The following RANGAP1 variants were observed in gnomAD, a reference collection of about 807,000 sequenced individuals.
RANGAP1 encodes Ran GTPase activating protein 1, also known as ran GTPase-activating protein 1.
Under a neutral mutation model 63.5 loss-of-function variants are expected in RANGAP1, and 38 were observed. The observed-to-expected ratio is 0.60, with a 90% CI of 0.46 to 0.78. The LOEUF (loss-of-function observed/expected upper bound fraction) is 0.78, where lower values mean the gene tolerates loss of function less well. Among genes scored for constraint, RANGAP1 ranks in the 30% least tolerant of loss-of-function variants. RANGAP1 has a pLI of 0.00. For missense variants in RANGAP1, 630 were observed against 740.3 expected (o/e 0.85, Z 1.73); for synonymous variants, 329 against 310.5 (o/e 1.06, Z -0.63).
chr22:41,290,625 T>A (rs373865174), upstream of RANGAP1, among the ~76,000 whole-genome samples: 1 of 152,210 alleles, frequency 6.6e-6, no homozygotes, highest in Non-Finnish European at 1.5e-5. Flanking sequence ...GGCCTTTCTC[T>A]GTTGTGCAGC....
chr22:41,298,942 G>A, the RANGAP1 span, among the ~76,000 whole-genome samples: 1 of 152,178 alleles, frequency 6.6e-6, no homozygotes, highest in Non-Finnish European at 1.5e-5. Flanking sequence ...GGTTGTTGGT[G>A]AGGGCCGCCT....
At position 41,261,431 on chromosome 22, in the gene RANGAP1, A is replaced by T. The variant is rs1182923053; in HGVS notation, c.615+15T>A. The T allele has an allele frequency of 6.2e-7, 1 of 1,614,058 alleles. No homozygotes were observed. The highest frequency in any genetic ancestry group is 1.7e-5 in the Admixed American group (1 of 60,012). On this transcript the variant is annotated intron_variant, in intron 6 of 15. Coordinates refer to ENST00000356244, the MANE Select transcript of RANGAP1 (RefSeq NM_002883.4). Reference sequence around the variant, plus strand: ...CCTCAAGGCTGCAGGGGCAGGATGGACAGAAACCACTCACCCTAAAAGCTT... The same window carrying T: ...CCTCAAGGCTGCAGGGGCAGGATGGTCAGAAACCACTCACCCTAAAAGCTT...
intron 10 of RANGAP1, 104 bp downstream of exon 10, chr22:41,255,917 G>A (rs2033801206): frequency 2.5e-6 from 3 of 1,193,048 alleles, no homozygotes; most frequent in Non-Finnish European, 3.6e-6. Context: ...TCACGCCACT[G>A]TACTTTAGCC....
the RANGAP1 span, among the ~76,000 whole-genome samples, chr22:41,293,277 T>C: frequency 6.7e-6 from 1 of 149,734 alleles, no homozygotes; most frequent in Admixed American, 6.7e-5. Flanking sequence ...ACCAGCACGG[T>C]GATGCACATC....
chr22:41,294,378 C>T, the RANGAP1 span, among the ~76,000 whole-genome samples: 1 of 152,164 alleles, frequency 6.6e-6, no homozygotes, highest in Admixed American at 6.5e-5. Flanking sequence ...GGCTGGAGTG[C>T]AGTGGCGTGA....
At chr22:41,249,550 A>C (rs1333883619) in intron 14 of RANGAP1, 99 bp from the exon 15 acceptor site, 1 of 1,573,752 alleles carries the variant, frequency 6.4e-7, no homozygotes, top group Admixed American at 1.8e-5. Context: ...CCCACAACTG[A>C]GTCTAGCCGG....
intron 1 of RANGAP1, among the ~76,000 whole-genome samples, chr22:41,283,617 A>G (rs1398108978): frequency 6.6e-6 from 1 of 152,236 alleles, no homozygotes; most frequent in African/African-American, 2.4e-5. Flanking sequence ...CCATGCACAC[A>G]TCTGGGGGAA....
chr22:41,284,306 G>A (rs912995270), intron 1 of RANGAP1, among the ~76,000 whole-genome samples: 4 of 151,546 alleles, frequency 2.6e-5, no homozygotes, highest in Admixed American at 6.6e-5. Context: ...GGTAGCTCAC[G>A]CCTATAATCT....
intron 6 of RANGAP1, 79 bp downstream of exon 6, chr22:41,261,367 A>T: frequency 1.3e-6 from 2 of 1,586,770 alleles, no homozygotes; most frequent in Non-Finnish European, 1.7e-6. Flanking sequence ...CAGCCCTGGG[A>T]TTAGCATCCA....
Position 41,254,500 on chromosome 22 carries a change from G to C in RANGAP1, c.1074-6C>G. ...CCTCCTCGTCCTCGTCATCACTGCA[G>C]AAAGAGCTGGCTGAAGCAGATCCTC... On this transcript the variant is annotated splice_region_variant and splice_polypyrimidine_tract_variant and intron_variant, in intron 10 of 15. Coordinates refer to ENST00000356244, the MANE Select transcript of RANGAP1 (RefSeq NM_002883.4). The C allele has an allele frequency of 6.3e-7, 1 of 1,579,056 alleles. No homozygotes were observed. The highest frequency in any genetic ancestry group is 8.6e-7 in the Non-Finnish European group (1 of 1,167,662).
intron 10 of RANGAP1, 64 bp from the exon 11 acceptor site, chr22:41,254,558 T>G: frequency 4.6e-6 from 7 of 1,512,794 alleles, no homozygotes; most frequent in Non-Finnish European, 6.1e-6. Flanking sequence ...CTCTAAGGCC[T>G]GGCTCCATGA....
intron 3 of RANGAP1, among the ~76,000 whole-genome samples, chr22:41,273,086 G>A (rs907101611): frequency 1.3e-5 from 2 of 152,094 alleles, no homozygotes; most frequent in African/African-American, 2.4e-5. Context: ...GTGAGCCATC[G>A]TGCCCGACTG....
intron 13 of RANGAP1, among the ~76,000 whole-genome samples, chr22:41,250,692 C>A (rs548974677): frequency 6.6e-6 from 1 of 152,276 alleles, no homozygotes; most frequent in East Asian, 1.9e-4. Context: ...TCTCACCATC[C>A]CTCCTCCCGA....
chr22:41,265,951 C>G (rs2034441372), intron 4 of RANGAP1, among the ~76,000 whole-genome samples: 1 of 151,828 alleles, frequency 6.6e-6, no homozygotes, highest in African/African-American at 2.4e-5. Flanking sequence ...GCCTGTAATC[C>G]CAGCACTTTG....
chr22:41,283,213 A>C (rs1423717953), intron 1 of RANGAP1, among the ~76,000 whole-genome samples: 1 of 114,854 alleles, frequency 8.7e-6, no homozygotes, highest in East Asian at 2.3e-4. Flanking sequence ...TTAAAAAAAA[A>C]AGGGGGGGGT....
chr22:41,302,211 C>T, the RANGAP1 span, among the ~76,000 whole-genome samples: 20 of 151,926 alleles, frequency 1.3e-4, no homozygotes, highest in South Asian at 1.0e-3. The surrounding 1 kb of genome is among the most constrained non-coding windows in gnomAD (Gnocchi z 5.7). Flanking sequence ...GCTGGCAGGG[C>T]CCCCCTTCCT....
intron 4 of RANGAP1, among the ~76,000 whole-genome samples, chr22:41,267,201 C>G (rs986444973): frequency 2.0e-5 from 3 of 152,040 alleles, no homozygotes; most frequent in African/African-American, 7.2e-5. Context: ...TCTTAACCTA[C>G]ATTCCAAATC....
At chr22:41,252,376 G>A (rs2145691206) in intron 12 of RANGAP1, among the ~76,000 whole-genome samples, 2 of 152,260 alleles carry the variant, frequency 1.3e-5, no homozygotes, top group Non-Finnish European at 2.9e-5. Context: ...TGCCAAGAGG[G>A]TTAAATAAAA....
chr22:41,298,737 G>A, the RANGAP1 span, among the ~76,000 whole-genome samples: 1,486 of 152,284 alleles, frequency 9.8e-3, 67 homozygotes, highest in Admixed American at 0.079. Context: ...CTGGGCTCAA[G>A]CGATCTGCCC....
Sources: gnomAD v4.1 joint callset for allele counts (sites outside exome capture counted in the v4.1 genomes callset) on GRCh38, gnomAD v4.1.1 for gene constraint, Gnocchi (gnomAD v3.1) non-coding constraint, MANE v1.5 for transcripts, NCBI Gene and HGNC (gene_info 2026-07-23, HGNC 2026-07-21) for gene names.